Variants in CACNA1S observed in about 807,000 individuals in gnomAD.
CACNA1S encodes the protein voltage-dependent L-type calcium channel subunit alpha-1S.
In CACNA1S, 126 loss-of-function variants were observed where a neutral mutation model predicts 207.4. The ratio of observed to expected loss-of-function variants is 0.61; its 90% CI spans 0.53 to 0.70. The LOEUF (loss-of-function observed/expected upper bound fraction) is 0.70. CACNA1S is among the 30% of genes least tolerant of loss of function. CACNA1S has a pLI of 0.00. For missense variants in CACNA1S, 2,349 were observed against 2,422.8 expected, an observed-to-expected ratio of 0.97 and a Z score of 0.64; for synonymous variants, 960 against 932.7, an observed-to-expected ratio of 1.03 and a Z score of -0.53.
At chr1:201,048,751 A>C in intron 35 of CACNA1S, 67 bp from the exon 36 acceptor site, 3 of 1,411,926 alleles carry the variant, frequency 2.1e-6, no homozygotes, top group Middle Eastern at 2.0e-4. Flanking sequence ...AGTCATCCTC[A>C]CCCGGTCTGT....
intron 16 of CACNA1S, among the ~76,000 whole-genome samples, chr1:201,071,963 C>T: frequency 6.6e-6 from 1 of 152,228 alleles, no homozygotes; most frequent in East Asian, 1.9e-4. Context: ...CTTAGAGTCA[C>T]TGGGGCAAAC....
Position 201,091,714 on chromosome 1 carries a change from A to G in CACNA1S, c.620T>C (p.Val207Ala), listed in dbSNP as rs761951661. The G allele has an allele frequency of 6.2e-7, 1 of 1,614,092 alleles. No individual in the cohort carries two copies. The highest frequency in any genetic ancestry group is 2.2e-5 in the East Asian group (1 of 44,876). ...FHIALLVLFM[V>A]IIYAIIGLEL... Reference sequence around the variant, plus strand: ...CAGCCCGATGATGGCATAGATGATGACCATAAAGAGGACCAGCAGGGCGAT... The same window carrying G: ...CAGCCCGATGATGGCATAGATGATGGCCATAAAGAGGACCAGCAGGGCGAT... The change falls in exon 5 of 44, where the codon GTC becomes GCC. Residue 207 changes from valine (V) to alanine (A), a missense_variant. Transcript: ENST00000362061.
intron 2 of CACNA1S, among the ~76,000 whole-genome samples, chr1:201,094,479 T>A (rs1662348011): frequency 1.3e-5 from 2 of 152,050 alleles, no homozygotes; most frequent in Non-Finnish European, 2.9e-5. Flanking sequence ...GATATTAGAA[T>A]GGGTTGAATA....
chr1:201,053,477 C>T lies in CACNA1S; in HGVS notation c.3777G>A (p.Thr1259=), dbSNP rs147646714. 1.4e-4 allele frequency: 224 copies of T among 1,614,034 alleles called. 1 individual carries two copies. Among genetic ancestry groups the T allele is most frequent in the Non-Finnish European group, 1.7e-4 (197 of 1,180,020 alleles). The change falls in exon 30 of 44, where the codon ACG becomes ACA. Residue 1259 remains threonine, a synonymous_variant. Transcript: ENST00000362061. The surrounding 1 kb of genome is among the most constrained non-coding windows in gnomAD (Gnocchi z 5.1). The part of the protein sequence containing the change: ...RAEGVRTLLW[T]FIKSFQALPY... Reference sequence around the variant, plus strand: ...GTTGCACCTGGAAGGACTTGATGAACGTCCACAGGAGGGTTCGCACTCCTT... The same window carrying T: ...GTTGCACCTGGAAGGACTTGATGAATGTCCACAGGAGGGTTCGCACTCCTT...
At chr1:201,087,437 C>T (rs1324071180) in intron 7 of CACNA1S, among the ~76,000 whole-genome samples, 4 of 152,184 alleles carry the variant, frequency 2.6e-5, no homozygotes, top group East Asian at 1.9e-4. Flanking sequence ...TAGGCACCCC[C>T]GGGGCCAGGA....
At chr1:201,063,035 T>C (rs1661120591) in intron 22 of CACNA1S, among the ~76,000 whole-genome samples, 1 of 151,900 alleles carries the variant, frequency 6.6e-6, no homozygotes, top group Non-Finnish European at 1.5e-5. Context: ...TGACTCAACT[T>C]GTCTCAGAGT....
intron 32 of CACNA1S, 71 bp downstream of exon 32, chr1:201,052,486 G>A: frequency 8.1e-7 from 1 of 1,227,494 alleles, no homozygotes; most frequent in South Asian, 1.2e-5. Flanking sequence ...CCTGGCTCCA[G>A]TGCACATTAG....
At chr1:201,043,256 C>T (rs761129520) in intron 40 of CACNA1S, 25 bp downstream of exon 40, 3 of 1,614,028 alleles carry the variant, frequency 1.9e-6, no homozygotes, top group Non-Finnish European at 2.5e-6. Flanking sequence ...CCTCTACACC[C>T]AGGGATGGCA....
At position 201,042,506 on chromosome 1, in the gene CACNA1S, G is replaced by A. The variant is rs953735725; in HGVS notation, c.5048+775C>T. Among the ~76,000 whole-genome samples the A allele has an allele frequency of 5.3e-5, 8 of 152,226 alleles. No homozygotes were observed. The East Asian group carries it at 1.3e-3, about 26-fold the overall frequency. On this transcript the variant is annotated intron_variant, in intron 40 of 43. Transcript: ENST00000362061. ...CAACAAGACGACAACCCCCTTCAGG[G>A]CAGGGCCCAGGGCTGATGCTTCTGT...
intron 15 of CACNA1S, 91 bp from the exon 16 acceptor site, chr1:201,072,915 G>A: frequency 2.1e-6 from 2 of 952,268 alleles, no homozygotes; most frequent in African/African-American, 1.6e-5. Flanking sequence ...TTAGCGTTCA[G>A]CTCACTTAAT....
At chr1:201,085,130 C>T (rs2102154270) in intron 8 of CACNA1S, 99 bp from the exon 9 acceptor site, 1 of 862,152 alleles carries the variant, frequency 1.2e-6, no homozygotes, top group South Asian at 1.3e-5. Flanking sequence ...TGACCAGAGA[C>T]ATCTGCAACA....
chr1:201,042,102 C>A (rs1660255136), intron 40 of CACNA1S, among the ~76,000 whole-genome samples: 1 of 152,170 alleles, frequency 6.6e-6, no homozygotes, highest in Non-Finnish European at 1.5e-5. Flanking sequence ...CACTAAATAT[C>A]TGTTATTATT....
rs1572015029 is a variant in CACNA1S, at chr1:201,041,552, T to C, written c.5086A>G (p.Thr1696Ala). Reference sequence around the variant, plus strand: ...AGGGCTCGTCCTCTGGTAGCAGGCGTCTCTGTCTCTTCTGGGAACTCCCTT... The same window carrying C: ...AGGGCTCGTCCTCTGGTAGCAGGCGCCTCTGTCTCTTCTGGGAACTCCCTT... ...YEREFPEETE[T>A]PATRGRALGQ... The change falls in exon 41 of 44, where the codon ACG becomes GCG. Residue 1696 changes from threonine (T) to alanine (A), a missense_variant. Transcript: ENST00000362061. 6.2e-7 allele frequency: 1 copy of C among 1,614,156 alleles called. No homozygotes were observed. The highest frequency in any genetic ancestry group is 1.3e-5 in the African/African-American group (1 of 75,038).
intron 34 of CACNA1S, among the ~76,000 whole-genome samples, chr1:201,049,853 G>C (rs1660595112): frequency 6.6e-6 from 1 of 152,132 alleles, no homozygotes; most frequent in Non-Finnish European, 1.5e-5. Flanking sequence ...TACATGGACT[G>C]GGGCAACTTA....
intron 31 of CACNA1S, among the ~76,000 whole-genome samples, chr1:201,052,856 AG>A (rs780660115): frequency 6.6e-6 from 1 of 152,068 alleles, no homozygotes; most frequent in Non-Finnish European, 1.5e-5. Context: ...CAAAGAAAAG[AG>A]GGAGGGTAGA....
intron 24 of CACNA1S, 110 bp from the exon 25 acceptor site, chr1:201,061,578 T>A: frequency 9.5e-7 from 1 of 1,047,438 alleles, no homozygotes; most frequent in Non-Finnish European, 1.4e-6. Context: ...AAGAGAGCCT[T>A]CTCAACAATC....
chr1:201,054,686 C>G, intron 28 of CACNA1S, 125 bp from the exon 29 acceptor site: 1 of 325,776 alleles, frequency 3.1e-6, no homozygotes, highest in Non-Finnish European at 5.4e-6. Flanking sequence ...GAAAAAGAGG[C>G]AGGGGCTAAA....
At chr1:201,040,578 G>A in intron 42 of CACNA1S, 44 bp downstream of exon 42, 1 of 1,567,322 alleles carries the variant, frequency 6.4e-7, no homozygotes. Context: ...AGGCCAGGCA[G>A]GGTCTCTGTA....
At chr1:201,081,518 A>G (rs1030537343) in intron 10 of CACNA1S, among the ~76,000 whole-genome samples, 2 of 152,224 alleles carry the variant, frequency 1.3e-5, no homozygotes, top group African/African-American at 4.8e-5. Context: ...ACCTTCCACC[A>G]AGACTGATCT....
Sources: gnomAD v4.1 joint callset for allele counts (sites outside exome capture counted in the v4.1 genomes callset) on GRCh38, gnomAD v4.1.1 for gene constraint, Gnocchi (gnomAD v3.1) non-coding constraint, MANE v1.5 for transcripts, NCBI Gene and HGNC (gene_info 2026-07-23, HGNC 2026-07-21) for gene names.